The following CIRSR variants were observed in gnomAD, a reference collection of about 807,000 sequenced individuals.
CIRSR encodes corepressor of RBPJ and splicing regulator.
the CIRSR span, among the ~76,000 whole-genome samples, chr2:174,379,573 T>C: frequency 3.9e-5 from 6 of 152,178 alleles, no homozygotes; most frequent in Non-Finnish European, 8.8e-5. Flanking sequence ...TACAAGGATT[T>C]GCCCTCTGAT....
At chr2:174,363,213 G>C in the CIRSR span, among the ~76,000 whole-genome samples, 1 of 152,178 alleles carries the variant, frequency 6.6e-6, no homozygotes, top group African/African-American at 2.4e-5. Flanking sequence ...CACAGAATAA[G>C]AGAATGCTTC....
At chr2:174,380,625 T>C in the CIRSR span, 1 of 1,594,538 alleles carries the variant, frequency 6.3e-7, no homozygotes, top group Non-Finnish European at 8.6e-7. Context: ...ATACATATCT[T>C]GTCTTAAAAG....
chr2:174,353,776 C>T, the CIRSR span, among the ~76,000 whole-genome samples: 1 of 152,114 alleles, frequency 6.6e-6, no homozygotes. Context: ...CAATTAAGAG[C>T]TTTAAATGAA....
At chr2:174,389,606 G>T in the CIRSR span, among the ~76,000 whole-genome samples, 2 of 152,190 alleles carry the variant, frequency 1.3e-5, no homozygotes, top group African/African-American at 2.4e-5. Context: ...GCCGGCTGCA[G>T]AAATTTGCAT....
the CIRSR span, chr2:174,380,602 T>A: frequency 1.3e-6 from 2 of 1,522,556 alleles, no homozygotes; most frequent in Non-Finnish European, 1.8e-6. Flanking sequence ...TATCAGTAAA[T>A]GTAAACTTAA....
the CIRSR span, among the ~76,000 whole-genome samples, chr2:174,361,089 A>G: frequency 6.6e-6 from 1 of 152,350 alleles, no homozygotes; most frequent in South Asian, 2.1e-4. Flanking sequence ...ACGATCAACT[A>G]CGATCAACTA....
chr2:174,383,736 A>C, the CIRSR span, among the ~76,000 whole-genome samples: 1 of 151,644 alleles, frequency 6.6e-6, no homozygotes, highest in Non-Finnish European at 1.5e-5. Context: ...AAAAAAAAAA[A>C]AAAATCAAAA....
At chr2:174,385,260 A>G in the CIRSR span, among the ~76,000 whole-genome samples, 2 of 151,878 alleles carry the variant, frequency 1.3e-5, no homozygotes, top group Non-Finnish European at 2.9e-5. Flanking sequence ...TCTTAGGAAA[A>G]AAGTATAAAG....
chr2:174,377,758 G>C, the CIRSR span, among the ~76,000 whole-genome samples: 2 of 139,026 alleles, frequency 1.4e-5, no homozygotes, highest in Non-Finnish European at 3.0e-5. Flanking sequence ...CCGGAAATTG[G>C]AGGTTGCAGT....
chr2:174,348,929 A>G, the CIRSR span: 6 of 1,613,918 alleles, frequency 3.7e-6, no homozygotes, highest in Non-Finnish European at 5.1e-6. Context: ...CCTTCTCTTC[A>G]GAATCACTGT....
At chr2:174,390,071 C>T in the CIRSR span, among the ~76,000 whole-genome samples, 8 of 152,332 alleles carry the variant, frequency 5.3e-5, no homozygotes, top group South Asian at 1.7e-3. Flanking sequence ...TACTGGGGTA[C>T]TGCCTAGTGG....
chr2:174,349,889 A>C, the CIRSR span, among the ~76,000 whole-genome samples: 1 of 152,198 alleles, frequency 6.6e-6, no homozygotes, highest in African/African-American at 2.4e-5. Context: ...GTACTATTTT[A>C]TAGTATATAA....
the CIRSR span, among the ~76,000 whole-genome samples, chr2:174,372,309 C>T: frequency 6.6e-6 from 1 of 152,070 alleles, no homozygotes; most frequent in Non-Finnish European, 1.5e-5. Context: ...AATTAAAAGT[C>T]GCAAGTAATC....
the CIRSR span, chr2:174,348,440 G>A: frequency 1.3e-6 from 2 of 1,529,288 alleles, no homozygotes; most frequent in African/African-American, 1.4e-5. Flanking sequence ...TAAAAAAGTG[G>A]AGATATTTTT....
the CIRSR span, among the ~76,000 whole-genome samples, chr2:174,372,590 A>G: frequency 5.9e-5 from 9 of 152,042 alleles, no homozygotes; most frequent in African/African-American, 2.2e-4. Flanking sequence ...TTAGATATCT[A>G]GGTGTTCTTT....
At chr2:174,350,847 C>T in the CIRSR span, 1 of 808,904 alleles carries the variant, frequency 1.2e-6, no homozygotes, top group Admixed American at 3.1e-5. Flanking sequence ...CAGGGACACA[C>T]TGTAGATGAA....
chr2:174,394,219 T>G, the CIRSR span, among the ~76,000 whole-genome samples: 1 of 152,214 alleles, frequency 6.6e-6, no homozygotes, highest in Admixed American at 6.5e-5. Context: ...AGTAAAAAAT[T>G]ATGATTTCTC....
At chr2:174,351,187 TATA>T in the CIRSR span, among the ~76,000 whole-genome samples, 1 of 152,214 alleles carries the variant, frequency 6.6e-6, no homozygotes, top group African/African-American at 2.4e-5. Flanking sequence ...TTATCAAATA[TATA>T]ATAATATAGC....
the CIRSR span, among the ~76,000 whole-genome samples, chr2:174,388,207 C>A: frequency 6.6e-6 from 1 of 151,816 alleles, no homozygotes; most frequent in Non-Finnish European, 1.5e-5. Context: ...GATACGAGTT[C>A]TTTTTATTTT....
Sources: allele counts gnomAD v4.1 joint callset (sites outside exome capture counted in the v4.1 genomes callset), GRCh38; gene constraint gnomAD v4.1.1; transcripts MANE v1.5; gene names NCBI Gene and HGNC (gene_info 2026-07-23, HGNC 2026-07-21).